The following PTPRD variants were observed in gnomAD, a reference collection of about 807,000 sequenced individuals.
PTPRD encodes the protein receptor-type tyrosine-protein phosphatase delta.
PTPRD carries 34 observed loss-of-function variants against 214.5 expected under a neutral mutation model. The observed-to-expected ratio is 0.16, with a 90% CI of 0.12 to 0.21. The LOEUF (loss-of-function observed/expected upper bound fraction) is 0.21, where lower values mean the gene tolerates loss of function less well. PTPRD is among the 10% of genes least tolerant of loss of function. The pLI is 1.00. For missense variants in PTPRD, 2,545 were observed against 2,398.7 expected, an observed-to-expected ratio of 1.06 and a Z score of -1.27; for synonymous variants, 1,128 against 845.7, an observed-to-expected ratio of 1.33 and a Z score of -5.79.
intron 4 of PTPRD, among the ~76,000 whole-genome samples, chr9:9,976,102 TA>T (rs2095341305): frequency 4.6e-5 from 7 of 152,176 alleles, no homozygotes. Flanking sequence ...CCATTCATTT[TA>T]AGTGGAACAT....
intron 7 of PTPRD, among the ~76,000 whole-genome samples, chr9:9,698,832 G>C (rs576554756): frequency 1.3e-5 from 2 of 152,272 alleles, no homozygotes; most frequent in South Asian, 4.1e-4. Flanking sequence ...GGGCATCACA[G>C]ATATAAAAGT....
intron 4 of PTPRD, among the ~76,000 whole-genome samples, chr9:10,003,131 C>G (rs978446914): frequency 4.0e-5 from 6 of 151,628 alleles, no homozygotes; most frequent in African/African-American, 1.5e-4. Context: ...TTCTGTTAGT[C>G]AAGGGACATA....
At chr9:8,446,869 T>G (rs1265292675) in intron 34 of PTPRD, among the ~76,000 whole-genome samples, 1 of 152,196 alleles carries the variant, frequency 6.6e-6, no homozygotes, top group Non-Finnish European at 1.5e-5. Flanking sequence ...ACAAAAGGGT[T>G]ACTGGGTTAA....
intron 11 of PTPRD, among the ~76,000 whole-genome samples, chr9:8,796,713 G>C (rs900926995): frequency 1.3e-5 from 2 of 152,012 alleles, no homozygotes; most frequent in African/African-American, 4.8e-5. Context: ...ATTTATGTAG[G>C]AGACTAAACA....
intron 4 of PTPRD, among the ~76,000 whole-genome samples, chr9:9,983,966 T>A (rs1169993255): frequency 6.6e-6 from 1 of 152,194 alleles, no homozygotes; most frequent in African/African-American, 2.4e-5. Context: ...TGATTTAGTA[T>A]GCCTATTCCT....
intron 5 of PTPRD, among the ~76,000 whole-genome samples, chr9:9,827,532 T>C (rs1193708091): frequency 1.3e-5 from 2 of 152,092 alleles, no homozygotes; most frequent in Non-Finnish European, 1.5e-5. Context: ...ACTTAAATGT[T>C]AGACCTAAAA....
At position 9,615,794 on chromosome 9, in the gene PTPRD, T is replaced by A. The variant is rs565726613; in HGVS notation, c.-286-41013A>T. On this transcript the variant is annotated intron_variant, in intron 7 of 45. Transcript: ENST00000381196. ...AAATCTTATAAAGTGAGTATTATAA[T>A]CCACATTTTACAGATGAAGTAACTA... Among the ~76,000 whole-genome samples the A allele has an allele frequency of 5.9e-5, 9 of 152,222 alleles. No individual in the cohort carries two copies. The South Asian group carries it at 1.2e-3, about 21-fold the overall frequency.
chr9:8,890,893 G>A (rs1024624646), intron 11 of PTPRD, among the ~76,000 whole-genome samples: 2 of 152,140 alleles, frequency 1.3e-5, no homozygotes, highest in South Asian at 2.1e-4. Context: ...GCAGCTGCCT[G>A]TCTCAAAGAG....
intron 7 of PTPRD, among the ~76,000 whole-genome samples, chr9:9,593,422 T>C (rs2092964279): frequency 6.6e-6 from 1 of 152,034 alleles, no homozygotes; most frequent in Non-Finnish European, 1.5e-5. Context: ...GCAATTTAAA[T>C]GTTTTAAAGA....
At chr9:9,700,880 G>C (rs12552155) in intron 7 of PTPRD, among the ~76,000 whole-genome samples, 18,594 of 151,974 alleles carry the variant, frequency 0.12, 1,482 homozygotes, top group East Asian at 0.42. Context: ...TCAAATAACT[G>C]ACAATCTAAC....
intron 7 of PTPRD, among the ~76,000 whole-genome samples, chr9:9,721,348 C>CA (rs1172582390): frequency 6.6e-6 from 1 of 151,750 alleles, no homozygotes; most frequent in Non-Finnish European, 1.5e-5. Context: ...GACAAGGGGA[C>CA]AAAAGAGTAT....
At chr9:8,654,415 T>G (rs993592910) in intron 12 of PTPRD, among the ~76,000 whole-genome samples, 5 of 152,182 alleles carry the variant, frequency 3.3e-5, no homozygotes, top group African/African-American at 1.2e-4. Context: ...CCAAGGATCA[T>G]GCTTCCACTA....
chr9:9,347,664 A>C (rs2049388123), intron 9 of PTPRD, among the ~76,000 whole-genome samples: 1 of 152,182 alleles, frequency 6.6e-6, no homozygotes, highest in Non-Finnish European at 1.5e-5. Flanking sequence ...AATATATAGC[A>C]GCAGATAATG....
intron 3 of PTPRD, among the ~76,000 whole-genome samples, chr9:10,045,849 G>T (rs1346772219): frequency 1.3e-5 from 2 of 151,576 alleles, no homozygotes; most frequent in Non-Finnish European, 3.0e-5. Flanking sequence ...TTTTTTAAAA[G>T]GAGCTAGCTG....
At chr9:8,326,389 T>G (rs1026621220) in intron 44 of PTPRD, among the ~76,000 whole-genome samples, 1 of 152,192 alleles carries the variant, frequency 6.6e-6, no homozygotes, top group Non-Finnish European at 1.5e-5. Context: ...TTTGTGTATG[T>G]TGAACAAGCC....
chr9:9,632,614 TA>T (rs373819862), intron 7 of PTPRD, among the ~76,000 whole-genome samples: 29,259 of 146,330 alleles, frequency 0.2, 3,331 homozygotes, highest in African/African-American at 0.33. Context: ...GAGAGAAAGT[TA>T]AAAAAAAAAA....
intron 4 of PTPRD, among the ~76,000 whole-genome samples, chr9:10,000,443 AC>A (rs1352870142): frequency 6.6e-6 from 1 of 152,096 alleles, no homozygotes; most frequent in African/African-American, 2.4e-5. Context: ...TCTTCCAAGT[AC>A]CCTTAAATCC....
At chr9:8,701,128 T>C (rs2098072596) in intron 12 of PTPRD, among the ~76,000 whole-genome samples, 1 of 151,930 alleles carries the variant, frequency 6.6e-6, no homozygotes, top group South Asian at 2.1e-4. Context: ...GCCACTGTAC[T>C]CCAGCCTGGA....
chr9:9,077,226 A>G (rs768162877), intron 10 of PTPRD, among the ~76,000 whole-genome samples: 12 of 149,796 alleles, frequency 8.0e-5, no homozygotes, highest in Non-Finnish European at 1.2e-4. Flanking sequence ...ATGAGATGTG[A>G]TGTACAGTTT....
Sources: allele counts gnomAD v4.1 joint callset (sites outside exome capture counted in the v4.1 genomes callset), GRCh38; gene constraint gnomAD v4.1.1; transcripts MANE v1.5; gene names NCBI Gene and HGNC (gene_info 2026-07-23, HGNC 2026-07-21).